The following MAGI1 variants were observed in gnomAD, a reference collection of about 807,000 sequenced individuals.
MAGI1 encodes the protein membrane-associated guanylate kinase, WW and PDZ domain-containing protein 1.
Under a neutral mutation model 139.9 loss-of-function variants are expected in MAGI1, and 58 were observed. The ratio of observed to expected loss-of-function variants is 0.41; its 90% CI spans 0.34 to 0.52. The LOEUF is 0.52. MAGI1 is among the 20% of genes least tolerant of loss of function. The pLI, the probability that MAGI1 is intolerant of heterozygous loss-of-function variation, is 0.12. For synonymous variants in MAGI1, 812 were observed against 737.9 expected, an observed-to-expected ratio of 1.10 and a Z score of -1.63; for missense variants, 1,874 against 1,901.6, an observed-to-expected ratio of 0.99 and a Z score of 0.27.
chr3:66,038,147 C>T lies in MAGI1; in HGVS notation c.162G>A (p.Gly54=). ...VGAVAAVEAA[G]LPGGGEGPRL... is the part of the protein sequence containing the mutation. The stretch of plus-strand genomic sequence containing the variant: ...TCGGGCCCTCGCCGCCGCCGGGAAG[C>T]CCCGCTGCCTCGACCGCCGCCACCG... Residue 54 remains glycine (G), a synonymous_variant, in exon 1 of 23, where the codon GGG becomes GGA. Transcript: ENST00000402939. 6.2e-7 allele frequency: 1 copy of T among 1,612,036 alleles called. No individual in the cohort carries two copies. The highest frequency in any genetic ancestry group is 1.7e-5 in the Admixed American group (1 of 59,960).
chr3:65,371,912 C>T, intron 18 of MAGI1: 1 of 449,390 alleles, frequency 2.2e-6, no homozygotes, highest in Non-Finnish European at 4.5e-6. Flanking sequence ...GCTATTTCCA[C>T]CACAAAGGAA....
rs201768597 is a variant in MAGI1 at position 65,959,058 on chromosome 3, AC to A, written c.313+78937del. 2.0e-5 allele frequency among the ~76,000 whole-genome samples: 3 copies of A among 152,174 alleles called. No individual in the cohort carries two copies. The East Asian group carries it at 5.8e-4, about 29-fold the overall frequency. ...AGTAGAAAGAATTGTGGTGCTTCTT[AC>A]AACTGCCAAAGCCAAAGCCTGAATG... On this transcript the variant is annotated intron_variant, in intron 1 of 22. Coordinates refer to ENST00000402939, the MANE Select transcript of MAGI1 (RefSeq NM_001033057.2).
At chr3:65,570,636 C>G (rs9847524) in intron 2 of MAGI1, among the ~76,000 whole-genome samples, 1 of 152,022 alleles carries the variant, frequency 6.6e-6, no homozygotes, top group Non-Finnish European at 1.5e-5. Flanking sequence ...AATTCGGTGG[C>G]AGGAAAATAA....
At chr3:65,638,010 G>A (rs2107212810) in intron 1 of MAGI1, among the ~76,000 whole-genome samples, 1 of 152,252 alleles carries the variant, frequency 6.6e-6, no homozygotes. Context: ...CTGAACAAGT[G>A]AGTGAATAAA....
intron 1 of MAGI1, among the ~76,000 whole-genome samples, chr3:65,944,429 GAT>G (rs536250045): frequency 1.6e-3 from 247 of 152,250 alleles, no homozygotes; most frequent in African/African-American, 5.5e-3. Flanking sequence ...GAGGTTGGAG[GAT>G]AGTTTGAGCC....
intron 1 of MAGI1, among the ~76,000 whole-genome samples, chr3:65,989,275 A>C (rs527506166): frequency 6.6e-6 from 1 of 152,200 alleles, no homozygotes; most frequent in Non-Finnish European, 1.5e-5. Context: ...ATTTGACCAC[A>C]TTCTCAGCTC....
intron 1 of MAGI1, among the ~76,000 whole-genome samples, chr3:66,024,452 C>T (rs192585886): frequency 1.7e-4 from 25 of 151,404 alleles, no homozygotes; most frequent in African/African-American, 6.1e-4. Flanking sequence ...TCCCATTGAA[C>T]AGAATAAGCC....
At chr3:65,983,077 GC>G (rs2065673707) in intron 1 of MAGI1, among the ~76,000 whole-genome samples, 1 of 152,080 alleles carries the variant, frequency 6.6e-6, no homozygotes, top group South Asian at 2.1e-4. Context: ...ATGCTGCCAT[GC>G]CCAGGTTATT....
intron 12 of MAGI1, among the ~76,000 whole-genome samples, chr3:65,416,743 G>A (rs1471557066): frequency 2.6e-5 from 4 of 152,188 alleles, no homozygotes; most frequent in Non-Finnish European, 5.9e-5. Flanking sequence ...CACGTTGCCA[G>A]TGGAATCATA....
At chr3:65,686,287 G>A (rs1487397760) in intron 1 of MAGI1, among the ~76,000 whole-genome samples, 1 of 151,850 alleles carries the variant, frequency 6.6e-6, no homozygotes, top group Non-Finnish European at 1.5e-5. Context: ...CTGTAGGGGT[G>A]TTTTTTTGTT....
At chr3:65,485,849 C>T (rs1057260304) in intron 3 of MAGI1, among the ~76,000 whole-genome samples, 2 of 151,464 alleles carry the variant, frequency 1.3e-5, no homozygotes, top group Non-Finnish European at 2.9e-5. Flanking sequence ...CTGTCTCTGA[C>T]ATCTACACTT....
At chr3:65,789,756 A>G (rs1041899647) in intron 1 of MAGI1, among the ~76,000 whole-genome samples, 4 of 152,188 alleles carry the variant, frequency 2.6e-5, no homozygotes, top group African/African-American at 9.7e-5. Flanking sequence ...GATGAGCACT[A>G]GGTGGGGTTT....
At position 65,520,435 on chromosome 3, in the gene MAGI1, A is replaced by G. The variant is rs144204690; in HGVS notation, c.431-26804T>C. On this transcript the variant is annotated intron_variant, in intron 2 of 22. Transcript: ENST00000402939. ...TTAACAGGTAACCCTTGGCAAATTA[A>G]TTAGTTTTCCTGAACCTCAGTCAGT... 5.9e-5 allele frequency among the ~76,000 whole-genome samples: 9 copies of G among 152,316 alleles called. No homozygotes were observed. The East Asian group carries it at 1.7e-3, about 29-fold the overall frequency.
chr3:65,921,532 A>G (rs765077863), intron 1 of MAGI1, among the ~76,000 whole-genome samples: 11 of 151,926 alleles, frequency 7.2e-5, no homozygotes, highest in Non-Finnish European at 1.3e-4. Context: ...CTGGTCTCGA[A>G]CTTCTGGCTT....
chr3:65,865,570 T>C (rs942452842), intron 1 of MAGI1, among the ~76,000 whole-genome samples: 8 of 152,168 alleles, frequency 5.3e-5, no homozygotes, highest in African/African-American at 1.9e-4. Flanking sequence ...AATCCAGGCC[T>C]GGGTGACAGA....
At chr3:65,762,456 G>GA (rs144537538) in intron 1 of MAGI1, among the ~76,000 whole-genome samples, 85 of 145,056 alleles carry the variant, frequency 5.9e-4, no homozygotes, top group South Asian at 1.3e-3. Context: ...TGGGAAGGCG[G>GA]AAAAAAAAAA....
At chr3:65,588,634 T>C (rs2081808718) in intron 2 of MAGI1, among the ~76,000 whole-genome samples, 1 of 152,162 alleles carries the variant, frequency 6.6e-6, no homozygotes, top group Non-Finnish European at 1.5e-5. Context: ...CATCTCTGAG[T>C]TCTCTTGCAA....
intron 22 of MAGI1, chr3:65,359,386 A>T: frequency 1.6e-6 from 2 of 1,290,104 alleles, no homozygotes; most frequent in Admixed American, 6.6e-5. Flanking sequence ...CCATAAGGTG[A>T]CTCGAGAACC....
chr3:65,841,757 T>C (rs1413909151), intron 1 of MAGI1, among the ~76,000 whole-genome samples: 1 of 152,124 alleles, frequency 6.6e-6, no homozygotes, highest in Non-Finnish European at 1.5e-5. Flanking sequence ...AAGCATTTAG[T>C]GTCATAAATT....
Sources: gnomAD v4.1 joint callset for allele counts (sites outside exome capture counted in the v4.1 genomes callset) on GRCh38, gnomAD v4.1.1 for gene constraint, MANE v1.5 for transcripts, NCBI Gene and HGNC (gene_info 2026-07-23, HGNC 2026-07-21) for gene names.